The following AMOTL1 variants were observed in gnomAD, a reference collection of about 807,000 sequenced individuals.
AMOTL1 encodes angiomotin-like protein 1.
A neutral mutation model predicts 102.9 loss-of-function variants in AMOTL1; 45 were observed. That is an observed-to-expected ratio of 0.44 (90% confidence interval 0.34 to 0.56). The LOEUF (loss-of-function observed/expected upper bound fraction) is 0.56, where lower values mean the gene tolerates loss of function less well. Ranked by LOEUF, AMOTL1 falls within the 20% of genes least tolerant of loss-of-function variation. The pLI is 0.01. For missense variants in AMOTL1, 1,114 were observed against 1,225.6 expected (o/e 0.91, Z 1.36); for synonymous variants, 481 against 484.7 (o/e 0.99, Z 0.10).
chr11:94,815,576 T>A (rs947176467), intron 3 of AMOTL1, among the ~76,000 whole-genome samples: 2 of 152,126 alleles, frequency 1.3e-5, no homozygotes, highest in African/African-American at 2.4e-5. Context: ...GTCTGGGTCA[T>A]TTCCAATTTT....
At chr11:94,749,144 G>A (rs1184295426) in intron 3 of AMOTL1, among the ~76,000 whole-genome samples, 1 of 152,194 alleles carries the variant, frequency 6.6e-6, no homozygotes, top group East Asian at 1.9e-4. Flanking sequence ...GCCATGGTGA[G>A]CCTCAGTCCA....
Position 94,829,665 on chromosome 11 carries a change from C to T in AMOTL1, c.1414-385C>T, listed in dbSNP as rs574084740. 3.3e-5 allele frequency among the ~76,000 whole-genome samples: 5 copies of T among 152,214 alleles called. No homozygotes were observed. The South Asian group carries it at 8.3e-4, about 25-fold the overall frequency. On this transcript the variant is annotated intron_variant, in intron 4 of 12. Transcript: ENST00000433060. The stretch of plus-strand genomic sequence containing the variant: ...TGGAAACTTGGGTTCTAATTATAGT[C>T]GTTTCTTTTTTTGTACTTTAATATT...
chr11:94,720,838 G>A (rs1950165289), intron 1 of AMOTL1, among the ~76,000 whole-genome samples: 1 of 152,112 alleles, frequency 6.6e-6, no homozygotes, highest in Non-Finnish European at 1.5e-5. Flanking sequence ...AAGAAATGGG[G>A]TGCCTAGGGA....
intron 10 of AMOTL1, 124 bp downstream of exon 10, chr11:94,864,984 C>A: frequency 7.5e-7 from 1 of 1,333,642 alleles, no homozygotes. Context: ...AAACTCTCCT[C>A]CCCCATGCTG....
At chr11:94,788,275 A>G (rs778526947) in intron 1 of AMOTL1, among the ~76,000 whole-genome samples, 6 of 152,204 alleles carry the variant, frequency 3.9e-5, no homozygotes, top group African/African-American at 1.2e-4. Flanking sequence ...CCTAATCTCT[A>G]ATTTATTTTC....
At chr11:94,815,507 A>G (rs1360565019) in intron 3 of AMOTL1, among the ~76,000 whole-genome samples, 2 of 152,278 alleles carry the variant, frequency 1.3e-5, no homozygotes, top group East Asian at 3.9e-4. Flanking sequence ...ATAAATGCCT[A>G]TAAATAAACT....
intron 2 of AMOTL1, among the ~76,000 whole-genome samples, chr11:94,730,099 T>C (rs1316564646): frequency 6.6e-6 from 1 of 152,204 alleles, no homozygotes; most frequent in Non-Finnish European, 1.5e-5. Flanking sequence ...ACTGTCATAC[T>C]GTCATTCCAG....
At chr11:94,793,677 G>C (rs1951321214) in intron 1 of AMOTL1, among the ~76,000 whole-genome samples, 1 of 152,202 alleles carries the variant, frequency 6.6e-6, no homozygotes, top group Non-Finnish European at 1.5e-5. Flanking sequence ...ATGATGCCCG[G>C]AAAGGGGCTG....
intron 6 of AMOTL1, among the ~76,000 whole-genome samples, chr11:94,849,429 C>T (rs889519127): frequency 1.3e-5 from 2 of 152,202 alleles, no homozygotes; most frequent in Admixed American, 6.5e-5. Context: ...CTGTATAGGA[C>T]GATGGGTAAC....
chr11:94,864,984 C>T (rs1365582723), intron 10 of AMOTL1, 124 bp downstream of exon 10: 3 of 1,333,526 alleles, frequency 2.2e-6, no homozygotes, highest in Non-Finnish European at 2.0e-6. Context: ...AAACTCTCCT[C>T]CCCCATGCTG....
At chr11:94,768,240 T>C (rs1208824931), upstream of AMOTL1, 4 of 1,185,784 alleles carry the variant, frequency 3.4e-6, no homozygotes, top group Non-Finnish European at 4.2e-6. Context: ...GCAGACGGGC[T>C]CTAGGGCCCA....
intron 3 of AMOTL1, among the ~76,000 whole-genome samples, chr11:94,751,803 T>G (rs1201817501): frequency 6.9e-6 from 1 of 145,092 alleles, no homozygotes; most frequent in Non-Finnish European, 1.5e-5. Context: ...CACACACACG[T>G]GCACACACGC....
intron 1 of AMOTL1, among the ~76,000 whole-genome samples, chr11:94,768,972 G>C (rs1950901132): frequency 6.6e-6 from 1 of 152,244 alleles, no homozygotes; most frequent in East Asian, 2.0e-4. Flanking sequence ...CCCGGCGCGA[G>C]ACAAAGGCGC....
Position 94,821,564 on chromosome 11 carries a change from C to A in AMOTL1, c.1156C>A (p.Gln386Lys). 1.2e-6 allele frequency: 2 copies of A among 1,613,874 alleles called. No individual in the cohort carries two copies. The highest frequency in any genetic ancestry group is 1.7e-6 in the Non-Finnish European group (2 of 1,179,840). ...PCQLPFPSTM[Q>K]QHSPMSSQTS... ...CCAACTTCCGTTCCCATCAACCATG[C>A]AGCAGCACAGCCCCATGTCCTCCCA... Residue 386 changes from glutamine (Q) to lysine (K), a missense_variant, in exon 4 of 13, where the codon CAG (glutamine) becomes AAG (lysine). Transcript: ENST00000433060.
At chr11:94,860,772 A>G (rs950114100) in intron 9 of AMOTL1, among the ~76,000 whole-genome samples, 2 of 152,258 alleles carry the variant, frequency 1.3e-5, no homozygotes, top group African/African-American at 2.4e-5. Flanking sequence ...AATAAGGGCT[A>G]TGGTACTATT....
At chr11:94,739,552 C>T (rs944971481) in intron 2 of AMOTL1, among the ~76,000 whole-genome samples, 2 of 152,196 alleles carry the variant, frequency 1.3e-5, no homozygotes, top group Non-Finnish European at 2.9e-5. Context: ...GATGAGAGCA[C>T]ATTGGCTCAG....
chr11:94,800,260 C>T lies in AMOTL1; in HGVS notation c.1070C>T (p.Thr357Ile), dbSNP rs1344895046. 1.2e-6 allele frequency: 2 copies of T among 1,613,576 alleles called. No homozygotes were observed. Among genetic ancestry groups the T allele is most frequent in the Non-Finnish European group, 1.7e-6 (2 of 1,179,726 alleles). ...TACCCTGCTCCTCAGCCTGTGAGAA[C>T]AGATGTGGCCGTCCTGCGGTACCAG... ...KPYPAPQPVRTDVAVLRYQPP... is the reference protein window; with the variant it reads ...KPYPAPQPVRIDVAVLRYQPP... Residue 357 changes from threonine to isoleucine, a missense_variant, in exon 3 of 13, where the codon ACA (threonine) becomes ATA (isoleucine). Coordinates refer to ENST00000433060, the MANE Select transcript of AMOTL1 (RefSeq NM_130847.3).
In AMOTL1 at chr11:94,849,703, C is replaced by A. The variant is rs540389722; in HGVS notation, c.1649-411C>A. Among the ~76,000 whole-genome samples the A allele has an allele frequency of 2.0e-5, 3 of 152,194 alleles. No individual in the cohort carries two copies. The East Asian group carries it at 5.8e-4, about 29-fold the overall frequency. On this transcript the variant is annotated intron_variant, in intron 6 of 12. Coordinates refer to ENST00000433060, the MANE Select transcript of AMOTL1 (RefSeq NM_130847.3). ...CCTCTCTGGACCTTGGTTTATTTTT[C>A]TATGAATGAGAATATTAATATTATT...
intron 2 of AMOTL1, among the ~76,000 whole-genome samples, chr11:94,798,232 AATGAAATAACAC>A (rs1951404399): frequency 6.6e-6 from 1 of 152,248 alleles, no homozygotes; most frequent in East Asian, 1.9e-4. Flanking sequence ...ATTTGGAATG[AATGAAATAACAC>A]ATGGAGAGAA....
Sources: allele counts gnomAD v4.1 joint callset (sites outside exome capture counted in the v4.1 genomes callset), GRCh38; gene constraint gnomAD v4.1.1; transcripts MANE v1.5; gene names NCBI Gene and HGNC (gene_info 2026-07-23, HGNC 2026-07-21).